CERK: variants seen among roughly 807,000 people sequenced by gnomAD.
CERK encodes the protein acylsphingosine kinase.
A neutral mutation model predicts 63.4 loss-of-function variants in CERK; 39 were observed. The observed-to-expected ratio is 0.61, with a 90% CI of 0.48 to 0.80. The LOEUF (loss-of-function observed/expected upper bound fraction) is 0.80. CERK is among the 30% of genes least tolerant of loss of function. The pLI, the probability that CERK is intolerant of heterozygous loss-of-function variation, is 0.00. For missense variants in CERK, 670 were observed against 714.1 expected (o/e 0.94, Z 0.70); for synonymous variants, 302 against 280.0 (o/e 1.08, Z -0.78).
At chr22:46,735,356 T>C (rs561697083) in intron 1 of CERK, 23 of 152,404 alleles carry the variant, frequency 1.5e-4, no homozygotes, top group African/African-American at 5.1e-4. Flanking sequence ...AGTCCTTGTC[T>C]GTGCTCTTGT....
In CERK at chr22:46,686,903, T is replaced by C. The variant is rs2082704218; in HGVS notation, c.*231A>G. The C allele has an allele frequency of 7.8e-6, 4 of 511,358 alleles. No homozygotes were observed. Among genetic ancestry groups the C allele is most frequent in the Non-Finnish European group, 1.4e-5 (4 of 282,962 alleles). The allele number at this position is 511,358 out of a possible 1,614,324, so 31.7% of individuals were successfully genotyped here. A position where few individuals can be genotyped will look rare whatever the true frequency, so the allele number is the denominator to read the frequency against. ...AGGCCAGTGCCCCCAAGTGAGCAGC[T>C]GCATCCGCTGAGAGTAAGCGGCGTG... On this transcript the variant is annotated 3_prime_UTR_variant, in exon 13 of 13. Coordinates refer to ENST00000216264, the MANE Select transcript of CERK (RefSeq NM_022766.6).
At chr22:46,730,039 AAAAC>A (rs150531711) in intron 1 of CERK, among the ~76,000 whole-genome samples, 51 of 150,346 alleles carry the variant, frequency 3.4e-4, no homozygotes, top group South Asian at 1.3e-3. Flanking sequence ...ACTCCATCTC[AAAAC>A]AAACAAACAA....
intron 6 of CERK, among the ~76,000 whole-genome samples, chr22:46,705,455 T>C (rs1337715475): frequency 6.6e-6 from 1 of 152,076 alleles, no homozygotes; most frequent in East Asian, 1.9e-4. Context: ...GTAGATCACT[T>C]GAGGTCAAGA....
chr22:46,697,001 G>A (rs535375342), intron 8 of CERK, among the ~76,000 whole-genome samples: 2 of 152,228 alleles, frequency 1.3e-5, no homozygotes, highest in Admixed American at 6.5e-5. Context: ...AAATTCTCGC[G>A]GCTTCTCTAA....
At chr22:46,708,469 T>G (rs2082824785) in intron 5 of CERK, among the ~76,000 whole-genome samples, 1 of 152,226 alleles carries the variant, frequency 6.6e-6, no homozygotes, top group African/African-American at 2.4e-5. Context: ...GTCAGAAATC[T>G]CAGCCGAGAG....
In CERK at chr22:46,684,871, TACCGCAACAGC is replaced by T. The variant is rs1200519657; in HGVS notation, c.*2252_*2262del. On this transcript the variant is annotated 3_prime_UTR_variant, in exon 13 of 13. Coordinates refer to ENST00000216264, the MANE Select transcript of CERK (RefSeq NM_022766.6). ...CTGCTGGCAGGTGTCAGACACACGG[TACCGCAACAGC>T]AGTCCCGAGGTCTGAGATTCTGAAT... The T allele has an allele frequency of 2.0e-5, 3 of 152,102 alleles. No individual in the cohort carries two copies. The highest frequency in any genetic ancestry group is 2.0e-4 in the Admixed American group (3 of 15,264). The allele number at this position is 152,102 out of a possible 1,614,324, so 9.4% of individuals were successfully genotyped here.
chr22:46,724,994 C>T (rs1233159383), intron 1 of CERK, among the ~76,000 whole-genome samples: 3 of 151,944 alleles, frequency 2.0e-5, no homozygotes, highest in African/African-American at 7.3e-5. Context: ...GCACTCCAGC[C>T]TGGGCGAAAG....
At chr22:46,733,885 T>C (rs545502181) in intron 1 of CERK, among the ~76,000 whole-genome samples, 2 of 151,692 alleles carry the variant, frequency 1.3e-5, no homozygotes, top group South Asian at 4.2e-4. Flanking sequence ...CTACTAAAAA[T>C]ACAAAAATTA....
At chr22:46,707,688 A>G (rs1409763386) in intron 6 of CERK, among the ~76,000 whole-genome samples, 155 bp downstream of exon 6, 1 of 152,216 alleles carries the variant, frequency 6.6e-6, no homozygotes, top group South Asian at 2.1e-4. Flanking sequence ...CATACTCTCA[A>G]TGATATCCCC....
intron 1 of CERK, among the ~76,000 whole-genome samples, chr22:46,732,251 G>A (rs1485127053): frequency 1.3e-5 from 2 of 152,188 alleles, no homozygotes; most frequent in Admixed American, 6.5e-5. Flanking sequence ...CTGTCTCCAG[G>A]ACAGAGGAGA....
rs1472001741 is a variant in CERK at position 46,685,652 on chromosome 22, T to C, written c.*1482A>G. 2 of 152,258 alleles carry C rather than the reference T, an allele frequency of 1.3e-5. No individual in the cohort carries two copies. The highest frequency in any genetic ancestry group is 4.8e-5 in the African/African-American group (2 of 41,474). The allele number at this position is 152,258 out of a possible 1,614,324, so 9.4% of individuals were successfully genotyped here. On this transcript the variant is annotated 3_prime_UTR_variant, in exon 13 of 13. Coordinates refer to ENST00000216264, the MANE Select transcript of CERK (RefSeq NM_022766.6). ...GAATTTTCATTCATTATTGAACCAT[T>C]TGGCTTGCACAGTGCTCTCTGATAA... is the stretch of plus-strand genomic sequence containing the variant.
At chr22:46,734,401 C>T (rs911369013) in intron 1 of CERK, among the ~76,000 whole-genome samples, 102 of 151,858 alleles carry the variant, frequency 6.7e-4, no homozygotes, top group African/African-American at 2.4e-3. Flanking sequence ...GGCACAAAGA[C>T]GTGCACATGG....
At chr22:46,698,499 C>T (rs2082767442) in intron 8 of CERK, among the ~76,000 whole-genome samples, 1 of 152,242 alleles carries the variant, frequency 6.6e-6, no homozygotes, top group African/African-American at 2.4e-5. Flanking sequence ...ATACCTGTGC[C>T]TGAAGTTACA....
intron 6 of CERK, among the ~76,000 whole-genome samples, chr22:46,702,505 C>A (rs1191010411): frequency 2.0e-5 from 3 of 152,144 alleles, no homozygotes; most frequent in Non-Finnish European, 2.9e-5. Context: ...GATGGCCAGG[C>A]TGGTCTCTAA....
chr22:46,691,832 C>T, intron 10 of CERK, 55 bp from the exon 11 acceptor site: 2 of 1,510,418 alleles, frequency 1.3e-6, no homozygotes, highest in East Asian at 4.6e-5. Flanking sequence ...CGGGCAGCGC[C>T]CTGCACCAGG....
intron 1 of CERK, among the ~76,000 whole-genome samples, chr22:46,737,707 C>G (rs2082982051): frequency 6.6e-6 from 1 of 152,210 alleles, no homozygotes; most frequent in African/African-American, 2.4e-5. Flanking sequence ...ACAGACCGCA[C>G]CGGGGGCCAC....
At chr22:46,702,986 G>A (rs573412558) in intron 6 of CERK, among the ~76,000 whole-genome samples, 29 of 152,228 alleles carry the variant, frequency 1.9e-4, no homozygotes, top group African/African-American at 6.3e-4. Context: ...CCGTTCACGC[G>A]AGAAGGACGG....
At chr22:46,700,126 G>A (rs1350838315) in intron 7 of CERK, among the ~76,000 whole-genome samples, 1 of 151,850 alleles carries the variant, frequency 6.6e-6, no homozygotes, top group South Asian at 2.1e-4. Context: ...GCGGTGGCCC[G>A]CGCCTGTAAG....
intron 1 of CERK, among the ~76,000 whole-genome samples, chr22:46,729,569 C>A (rs1405821396): frequency 6.6e-6 from 1 of 151,964 alleles, no homozygotes; most frequent in Non-Finnish European, 1.5e-5. Context: ...CAACACCCAG[C>A]CTCCAAAAAA....
Sources: allele counts gnomAD v4.1 joint callset (sites outside exome capture counted in the v4.1 genomes callset), GRCh38; gene constraint gnomAD v4.1.1; transcripts MANE v1.5; gene names NCBI Gene and HGNC (gene_info 2026-07-23, HGNC 2026-07-21).